The following LTBP4 variants were observed in gnomAD, a reference collection of about 807,000 sequenced individuals.
LTBP4 encodes the protein latent transforming growth factor beta binding protein 4.
In LTBP4, 93 loss-of-function variants were observed where a neutral mutation model predicts 180.2. That is an observed-to-expected ratio of 0.52 (90% confidence interval 0.44 to 0.61). The LOEUF (loss-of-function observed/expected upper bound fraction) is 0.61, where lower values mean the gene tolerates loss of function less well. Ranked by LOEUF, LTBP4 falls within the 20% of genes least tolerant of loss-of-function variation. The pLI is 0.00. For missense variants in LTBP4, 2,116 were observed against 2,256.5 expected, an observed-to-expected ratio of 0.94 and a Z score of 1.26; for synonymous variants, 947 against 934.5, an observed-to-expected ratio of 1.01 and a Z score of -0.24.
intron 12 of LTBP4, 31 bp downstream of exon 12, chr19:40,610,688 G>C: frequency 6.4e-7 from 1 of 1,562,732 alleles, no homozygotes; most frequent in Non-Finnish European, 8.6e-7. Context: ...GCTGGGAAGG[G>C]GTGTGAGCGG....
chr19:40,620,767 CAAAAA>C (rs57662483), intron 22 of LTBP4, among the ~76,000 whole-genome samples: 3 of 100,484 alleles, frequency 3.0e-5, no homozygotes, highest in Non-Finnish European at 5.9e-5. Flanking sequence ...GACTCCGTCC[CAAAAA>C]AAAAAAAAAA....
Position 40,629,222 on chromosome 19 carries a change from CACAG to C in LTBP4, c.4520-173_4520-170del. The C allele has an allele frequency of 1.5e-6, 1 of 687,188 alleles. No individual in the cohort carries two copies. 42.6% of individuals were successfully genotyped at this position (687,188 alleles called of 1,614,324 possible). On this transcript the variant is annotated intron_variant, in intron 29 of 29. Coordinates refer to ENST00000396819, the MANE Select transcript of LTBP4 (RefSeq NM_001042545.2). The surrounding 1 kb of genome is among the most constrained non-coding windows in gnomAD (Gnocchi z 4.5). ...CATCTTACAGAACACGAAACTGAAG[CACAG>C]TGAGGTTAAGCCACCTGGCCGGGCT...
rs747870410 is a variant in LTBP4, at chr19:40,608,513, C to T, written c.1336C>T (p.Arg446Trp). ...GFLPTHRLEP[R>W]PEPRPDPRPG... ...TCTGCCCACCCATCGCCTGGAGCCC[C>T]GGCCTGAACCCCGGCCCGATCCCCG... The change falls in exon 9 of 30, where the codon CGG (arginine) becomes TGG (tryptophan). Residue 446 changes from arginine to tryptophan, a missense_variant. By Grantham distance (101) the Arg-to-Trp change is moderately radical. This residue lies in a region of LTBP4 where 877 missense variants were observed against 873.6 expected (regional missense o/e 1.00). Coordinates refer to ENST00000396819, the MANE Select transcript of LTBP4 (RefSeq NM_001042545.2). 116 of 1,606,202 alleles carry T rather than the reference C, an allele frequency of 7.2e-5. No individual in the cohort carries two copies. The highest frequency in any genetic ancestry group is 3.3e-4 in the Middle Eastern group (2 of 6,080).
chr19:40,623,338 A>G (rs1266992781), intron 24 of LTBP4, among the ~76,000 whole-genome samples: 3 of 151,964 alleles, frequency 2.0e-5, no homozygotes, highest in East Asian at 3.9e-4. Context: ...ACGCCTGGCT[A>G]ATTTTTTTGT....
At chr19:40,614,183 C>T (rs1472890099) in intron 18 of LTBP4, 132 bp from the exon 19 acceptor site, 34 of 1,443,598 alleles carry the variant, frequency 2.4e-5, no homozygotes, top group Non-Finnish European at 3.0e-5. Context: ...CCCAACTCTC[C>T]TCTACCCCAA....
intron 19 of LTBP4, among the ~76,000 whole-genome samples, 187 bp downstream of exon 19, chr19:40,614,633 G>T (rs1272510221): frequency 6.6e-6 from 1 of 152,158 alleles, no homozygotes; most frequent in Non-Finnish European, 1.5e-5. Context: ...TCAGGATCAC[G>T]GCCAAGCCTC....
upstream of LTBP4, chr19:40,599,657 C>G (rs920353625): frequency 2.6e-5 from 30 of 1,145,328 alleles, 1 homozygote; most frequent in South Asian, 3.3e-4. Flanking sequence ...CTCTCTCCCC[C>G]CTCCCTCCCC....
At chr19:40,625,313 TA>T (rs1275666796) in intron 26 of LTBP4, among the ~76,000 whole-genome samples, 13 of 34,916 alleles carry the variant, frequency 3.7e-4, no homozygotes, top group East Asian at 6.9e-4. Flanking sequence ...TATATATATA[TA>T]TATTTTTTTT....
rs2081524853 is a variant in LTBP4 at position 40,613,635 on chromosome 19, G to T, written c.2557+106G>T. On this transcript the variant is annotated intron_variant, in intron 17 of 29. Coordinates refer to ENST00000396819, the MANE Select transcript of LTBP4 (RefSeq NM_001042545.2). The surrounding 1 kb of genome is among the most constrained non-coding windows in gnomAD (Gnocchi z 5.0). ...AGGGGAAAACGAGTTTTTAGCCGGGGTATTCCAGCAGGATCAGGGGGCAGC... is the reference window on the plus strand; with the variant it reads ...AGGGGAAAACGAGTTTTTAGCCGGGTTATTCCAGCAGGATCAGGGGGCAGC... 3 of 1,516,802 alleles carry T rather than the reference G, an allele frequency of 2.0e-6. No individual in the cohort carries two copies. The highest frequency in any genetic ancestry group is 2.5e-5 in the East Asian group (1 of 40,672). The allele number at this position is 1,516,802 out of a possible 1,614,324, so 94.0% of individuals were successfully genotyped here.
rs1568407612 is a variant in LTBP4 at position 40,613,019 on chromosome 19, T to A, written c.2300-46T>A. 6.3e-7 allele frequency: 1 copy of A among 1,591,146 alleles called. No individual in the cohort carries two copies. The highest frequency in any genetic ancestry group is 8.6e-7 in the Non-Finnish European group (1 of 1,166,766). On this transcript the variant is annotated intron_variant, in intron 15 of 29. Transcript: ENST00000396819. The surrounding 1 kb of genome is among the most constrained non-coding windows in gnomAD (Gnocchi z 5.0). ...CCCTACTCCAAGGGGATTGGTCGGGTGTGTCCCGAGACTGGACCCTTTCTG... is the reference window on the plus strand; with the variant it reads ...CCCTACTCCAAGGGGATTGGTCGGGAGTGTCCCGAGACTGGACCCTTTCTG...
chr19:40,605,289 C>T lies in LTBP4; in HGVS notation c.442+63C>T. The T allele has an allele frequency of 6.4e-7, 1 of 1,557,142 alleles. No individual in the cohort carries two copies. Among genetic ancestry groups the T allele is most frequent in the African/African-American group, 1.4e-5 (1 of 73,758 alleles). ...TCAAGCATTTCACTTTGCCCCTGAC[C>T]CTCATATTTCCCGCCTTCCCGAGCA... On this transcript the variant is annotated intron_variant, in intron 2 of 29. Transcript: ENST00000396819. The surrounding 1 kb of genome is among the most constrained non-coding windows in gnomAD (Gnocchi z 5.5).
In LTBP4 at chr19:40,605,905, C is replaced by T. The variant is rs993573335; in HGVS notation, c.793+74C>T. ...AACCTCACCGTTCCTCCTACTCTGC[C>T]CTAGATAAACCCAGTTCACAAATTG... is the stretch of plus-strand genomic sequence containing the variant. On this transcript the variant is annotated intron_variant, in intron 4 of 29. Transcript: ENST00000396819. The surrounding 1 kb of genome is among the most constrained non-coding windows in gnomAD (Gnocchi z 5.5). 6 of 1,440,940 alleles carry T rather than the reference C, an allele frequency of 4.2e-6. No individual in the cohort carries two copies. The highest frequency in any genetic ancestry group is 5.6e-6 in the Non-Finnish European group (6 of 1,071,506). The allele number at this position is 1,440,940 out of a possible 1,614,324, so 89.3% of individuals were successfully genotyped here. A position where few individuals can be genotyped will look rare whatever the true frequency, so the allele number is the denominator to read the frequency against.
chr19:40,628,881 A>T (rs1196843119), intron 29 of LTBP4, among the ~76,000 whole-genome samples: 2 of 149,554 alleles, frequency 1.3e-5, no homozygotes, highest in African/African-American at 2.5e-5. Flanking sequence ...ACAGAGACTC[A>T]CTCTGTCGCC....
chr19:40,619,025 G>C (rs1166107272), intron 21 of LTBP4, among the ~76,000 whole-genome samples: 1 of 151,842 alleles, frequency 6.6e-6, no homozygotes, highest in African/African-American at 2.4e-5. Context: ...TCTAGCAAAA[G>C]CGCCAGGCCT....
intron 25 of LTBP4, 30 bp downstream of exon 25, chr19:40,623,762 C>T: frequency 6.2e-7 from 1 of 1,612,606 alleles, no homozygotes; most frequent in East Asian, 2.2e-5. Flanking sequence ...CAACCCCCGG[C>T]AACTCTCTCC....
At position 40,627,749 on chromosome 19, in the gene LTBP4, G is replaced by A. The variant is rs375100061; in HGVS notation, c.4411G>A (p.Gly1471Arg). 154 of 1,595,802 alleles carry A rather than the reference G, an allele frequency of 9.7e-5. No homozygotes were observed. Among genetic ancestry groups the A allele is most frequent in the Non-Finnish European group, 3.1e-5 (36 of 1,173,138 alleles). Residue 1471 changes from glycine to arginine, a missense_variant, in exon 29 of 30, where the codon GGG (glycine) becomes AGG (arginine). Physicochemically the swap from Gly to Arg is moderately radical, Grantham distance 125. Coordinates refer to ENST00000396819, the MANE Select transcript of LTBP4 (RefSeq NM_001042545.2). ...CGAGGAGCTGGAGGCGGAGGAGTGCGGGATCCTGGACGGCTGCACCAACGG... is the reference window on the plus strand; with the variant it reads ...CGAGGAGCTGGAGGCGGAGGAGTGCAGGATCCTGGACGGCTGCACCAACGG... The part of the protein sequence containing the change: ...PYEELEAEEC[G>R]ILDGCTNGRC...
In LTBP4 at chr19:40,609,860, C is replaced by A. The variant is rs1245546324; in HGVS notation, c.1673C>A (p.Ala558Glu). The A allele has an allele frequency of 8.3e-6, 13 of 1,575,172 alleles. No individual in the cohort carries two copies. In the East Asian group the frequency reaches 2.5e-4, roughly 31 times the overall value. Residue 558 changes from alanine to glutamate, a missense_variant, in exon 11 of 30, where the codon GCG (alanine) becomes GAG (glutamate). By Grantham distance (107) the Ala-to-Glu change is moderately radical. Around this residue, in one of 5 missense-constraint regions of LTBP4, gnomAD observed 877 missense variants for 873.6 expected, o/e 1.00. Transcript: ENST00000396819. This position sits in a 1 kb window ranked among gnomAD's most constrained non-coding sequence, Gnocchi z 4.9. Reference sequence around the variant, plus strand: ...GGCTTCCGAGCCGGCCCACGGGCTGCGGAATGCCTGGGTGAGAAATTTGCC... The same window carrying A: ...GGCTTCCGAGCCGGCCCACGGGCTGAGGAATGCCTGGGTGAGAAATTTGCC... ...GPGFRAGPRA[A>E]ECLDVDECHR...
chr19:40,627,657 G>A (rs2081645680), intron 28 of LTBP4, 48 bp from the exon 29 acceptor site: 3 of 1,552,636 alleles, frequency 1.9e-6, no homozygotes, highest in Non-Finnish European at 2.6e-6. Context: ...TGTGGGTAAG[G>A]GGTGAAGGCA....
At chr19:40,620,386 A>AT (rs1247703923) in intron 22 of LTBP4, among the ~76,000 whole-genome samples, 2 of 151,982 alleles carry the variant, frequency 1.3e-5, no homozygotes, top group Non-Finnish European at 1.5e-5. Context: ...CTACAGGCAC[A>AT]TATCACCACA....
Sources: allele counts gnomAD v4.1 joint callset (sites outside exome capture counted in the v4.1 genomes callset), GRCh38; gene constraint gnomAD v4.1.1; regional missense constraint gnomAD v4.1.1; non-coding constraint Gnocchi (gnomAD v3.1); transcripts MANE v1.5; gene names NCBI Gene and HGNC (gene_info 2026-07-23, HGNC 2026-07-21).